Variants in PLCB1 observed in about 807,000 individuals in gnomAD.
The protein encoded by PLCB1 is phospholipase C beta 1, also known as 1-phosphatidylinositol 4,5-bisphosphate phosphodiesterase beta-1.
A neutral mutation model predicts 161.8 loss-of-function variants in PLCB1; 46 were observed. That is an observed-to-expected ratio of 0.28 (90% CI 0.22 to 0.36). The LOEUF is 0.36. PLCB1 is among the 10% of genes least tolerant of loss of function. The pLI is 1.00. For missense variants in PLCB1, 1,016 were observed against 1,472.5 expected (o/e 0.69, Z 5.07); for synonymous variants, 517 against 503.7 (o/e 1.03, Z -0.35).
Position 8,697,736 on chromosome 20 carries a change from C to T in PLCB1, c.1120C>T (p.Pro374Ser). 6.2e-7 allele frequency: 1 copy of T among 1,614,154 alleles called. No individual in the cohort carries two copies. Among genetic ancestry groups the T allele is most frequent in the South Asian group, 1.1e-5 (1 of 91,082 alleles). ...CWKGRTAEEE[P>S]VITHGFTMTT... ...GAAGGGACGGACTGCAGAAGAGGAA[C>T]CTGTCATCACCCATGGCTTCACCAT... Residue 374 changes from proline to serine, a missense_variant, in exon 11 of 32, where the codon CCT (proline) becomes TCT (serine). This residue lies in a region of PLCB1 where 56 missense variants were observed against 126.3 expected (regional missense o/e 0.44). Transcript: ENST00000338037.
At chr20:8,176,480 C>T (rs1348759362) in intron 2 of PLCB1, among the ~76,000 whole-genome samples, 1 of 152,132 alleles carries the variant, frequency 6.6e-6, no homozygotes, top group Non-Finnish European at 1.5e-5. Flanking sequence ...GTGTTAGGCA[C>T]AGGCGTAGGC....
intron 2 of PLCB1, among the ~76,000 whole-genome samples, chr20:8,277,210 C>A (rs1982624998): frequency 6.6e-6 from 1 of 151,458 alleles, no homozygotes. Flanking sequence ...TTGCATTTCT[C>A]CAATAGTTCA....
rs1989325910 is a variant in PLCB1, at chr20:8,651,650, G to GA, written c.594+2205dup. 1.4e-5 allele frequency: 8 copies of GA among 575,468 alleles called. 1 individual carries two copies. The South Asian group carries it at 1.9e-4, about 13-fold the overall frequency. The allele number at this position is 575,468 out of a possible 1,614,324, so 35.6% of individuals were successfully genotyped here. On this transcript the variant is annotated intron_variant, in intron 7 of 31. Coordinates refer to ENST00000338037, the MANE Select transcript of PLCB1 (RefSeq NM_015192.4). Reference sequence around the variant, plus strand: ...TAGGCATTGAGAATATGGTGGTGAAGAAAATGAAACTCAAGGTTTCAAGGA... The same window carrying GA: ...TAGGCATTGAGAATATGGTGGTGAAGAAAAATGAAACTCAAGGTTTCAAGGA...
chr20:8,571,235 A>G (rs1471982803), intron 3 of PLCB1, among the ~76,000 whole-genome samples: 1 of 152,160 alleles, frequency 6.6e-6, no homozygotes, highest in Non-Finnish European at 1.5e-5. Flanking sequence ...CTATCCCAGC[A>G]CTTTGGGAGG....
chr20:8,195,161 C>T (rs1030887407), intron 2 of PLCB1, among the ~76,000 whole-genome samples: 18 of 151,986 alleles, frequency 1.2e-4, no homozygotes, highest in African/African-American at 4.3e-4. Flanking sequence ...ATGGGCTTTC[C>T]TGTGTGCTAT....
chr20:8,204,320 G>T (rs1978408256), intron 2 of PLCB1, among the ~76,000 whole-genome samples: 1 of 152,066 alleles, frequency 6.6e-6, no homozygotes, highest in African/African-American at 2.4e-5. Flanking sequence ...TGGAGTGAAG[G>T]CACATAATGT....
At chr20:8,296,990 A>G (rs975588143) in intron 2 of PLCB1, among the ~76,000 whole-genome samples, 2 of 152,078 alleles carry the variant, frequency 1.3e-5, no homozygotes, top group African/African-American at 2.4e-5. Flanking sequence ...ATCATCATTT[A>G]TCTTGCTTTG....
In PLCB1 at chr20:8,488,340, C is replaced by T. The variant is rs541132046; in HGVS notation, c.246+116890C>T. 3.3e-5 allele frequency among the ~76,000 whole-genome samples: 5 copies of T among 152,184 alleles called. 1 individual carries two copies. The South Asian group carries it at 1.0e-3, about 32-fold the overall frequency. ...CAGGGAACTCCACAGGGATCAAGCT[C>T]ATCTAGATGCCAAATCTTTGCCAGC... On this transcript the variant is annotated intron_variant, in intron 3 of 31. Coordinates refer to ENST00000338037, the MANE Select transcript of PLCB1 (RefSeq NM_015192.4).
intron 3 of PLCB1, among the ~76,000 whole-genome samples, chr20:8,581,368 C>T (rs188104270): frequency 2.2e-4 from 33 of 152,150 alleles, no homozygotes; most frequent in Admixed American, 8.5e-4. Context: ...AGTGACTTGG[C>T]GACCATTTGG....
chr20:8,716,998 T>G (rs1236692580), intron 13 of PLCB1, among the ~76,000 whole-genome samples: 1 of 152,240 alleles, frequency 6.6e-6, no homozygotes, highest in Non-Finnish European at 1.5e-5. Context: ...GTAACCTATC[T>G]TGTGGCTTGC....
At chr20:8,649,255 T>A (rs760518297) in intron 6 of PLCB1, 119 bp from the exon 7 acceptor site, 10 of 644,700 alleles carry the variant, frequency 1.6e-5, no homozygotes, top group Non-Finnish European at 2.5e-5. Flanking sequence ...CTTTTAGTTC[T>A]TTAAATATGA....
rs535742308 is a variant in PLCB1, at chr20:8,723,425, C to T, written c.1581+1004C>T. 3.9e-5 allele frequency among the ~76,000 whole-genome samples: 6 copies of T among 152,278 alleles called. No homozygotes were observed. The South Asian group carries it at 1.2e-3, about 32-fold the overall frequency. On this transcript the variant is annotated intron_variant, in intron 15 of 31. Transcript: ENST00000338037. ...ACCAGAATTTTTAAAAGAAACTCATCTCCATGCATTCTCTCTTCTAAAAAT... is the reference window on the plus strand; with the variant it reads ...ACCAGAATTTTTAAAAGAAACTCATTTCCATGCATTCTCTCTTCTAAAAAT...
intron 31 of PLCB1, among the ~76,000 whole-genome samples, chr20:8,804,042 C>T (rs1984411294): frequency 1.3e-5 from 2 of 151,972 alleles, no homozygotes; most frequent in African/African-American, 4.8e-5. Context: ...ATCCGCCTGC[C>T]TCAGGCTCCC....
rs1030256947 is a variant in PLCB1, at chr20:8,340,574, C to T, written c.178-30808C>T. Among the ~76,000 whole-genome samples, 11 of 152,132 alleles carry T rather than the reference C, an allele frequency of 7.2e-5. No individual in the cohort carries two copies. In the South Asian group the frequency reaches 2.1e-3, roughly 29 times the overall value. On this transcript the variant is annotated intron_variant, in intron 2 of 31. Transcript: ENST00000338037. ...CGTAGCTGGGACTACAGGCGCCCGCCACCACGCCCGGCTAATTTTTTTGTG... is the reference window on the plus strand; with the variant it reads ...CGTAGCTGGGACTACAGGCGCCCGCTACCACGCCCGGCTAATTTTTTTGTG...
intron 31 of PLCB1, among the ~76,000 whole-genome samples, chr20:8,855,504 C>CT (rs1987039251): frequency 6.6e-6 from 1 of 152,158 alleles, no homozygotes; most frequent in African/African-American, 2.4e-5. Flanking sequence ...AATCACCTCA[C>CT]TGACACACAA....
intron 2 of PLCB1, among the ~76,000 whole-genome samples, chr20:8,278,212 A>G (rs1982672291): frequency 1.4e-5 from 2 of 146,130 alleles, no homozygotes; most frequent in South Asian, 4.2e-4. Flanking sequence ...AGGTGCAGAA[A>G]AATGTGTATG....
rs199568969 is a variant in PLCB1 at position 8,881,787 on chromosome 20, A to T, written c.3589A>T (p.Thr1197Ser). 12 of 1,613,852 alleles carry T rather than the reference A, an allele frequency of 7.4e-6. No homozygotes were observed. The East Asian group carries it at 2.7e-4, about 36-fold the overall frequency. ...AGACCCTGGAAAAGTGAACCACAAG[A>T]CTCCCTCCAGTGAGGAGCTGGGAGG... ...SSDPGKVNHK[T>S]PSSEELGGDI... The change falls in exon 32 of 32, where the codon ACT becomes TCT. Residue 1197 changes from threonine to serine, a missense_variant. Around this residue, in one of 10 missense-constraint regions of PLCB1, gnomAD observed 398 missense variants for 445.4 expected, o/e 0.89. Coordinates refer to ENST00000338037, the MANE Select transcript of PLCB1 (RefSeq NM_015192.4).
At chr20:8,645,883 A>G (rs1377004989) in intron 4 of PLCB1, among the ~76,000 whole-genome samples, 1 of 152,196 alleles carries the variant, frequency 6.6e-6, no homozygotes, top group Non-Finnish European at 1.5e-5. Flanking sequence ...AAAAACCTTT[A>G]TGTACAAAGA....
chr20:8,757,331 T>C (rs1377498964), intron 24 of PLCB1, among the ~76,000 whole-genome samples, 153 bp downstream of exon 24: 1 of 152,132 alleles, frequency 6.6e-6, no homozygotes, highest in Non-Finnish European at 1.5e-5. Context: ...AATTAATGAA[T>C]GAAAGCCAGA....
Sources: allele counts gnomAD v4.1 joint callset (sites outside exome capture counted in the v4.1 genomes callset), GRCh38; gene constraint gnomAD v4.1.1; regional missense constraint gnomAD v4.1.1; transcripts MANE v1.5; gene names NCBI Gene and HGNC (gene_info 2026-07-23, HGNC 2026-07-21).